Variants in GSN observed in about 807,000 individuals in gnomAD.
GSN encodes the protein gelsolin, also known as actin-depolymerizing factor.
Under a neutral mutation model 85.7 loss-of-function variants are expected in GSN, and 56 were observed. That is an observed-to-expected ratio of 0.65 (90% CI 0.53 to 0.82). GSN has a LOEUF of 0.82. Ranked by LOEUF, GSN falls within the 40% of genes least tolerant of loss-of-function variation. The pLI is 0.00. For missense variants in GSN, 857 were observed against 979.8 expected (o/e 0.87, Z 1.67); for synonymous variants, 373 against 399.1 (o/e 0.93, Z 0.78).
intron 4 of GSN, among the ~76,000 whole-genome samples, chr9:121,308,168 G>A (rs1411135513): frequency 1.3e-5 from 2 of 152,236 alleles, no homozygotes; most frequent in East Asian, 3.8e-4. Context: ...AAGGGGCCCT[G>A]GAAGCAGGGT....
Position 121,261,889 on chromosome 9 carries a change from C to G in GSN, c.-340-3265C>G, listed in dbSNP as rs1000091937. On this transcript the variant is annotated intron_variant, in intron 6 of 24. Coordinates refer to the GSN transcript ENST00000373823. This position sits in a 1 kb window ranked among gnomAD's most constrained non-coding sequence, Gnocchi z 4.1. ...TTATCATCAGAGGAAGAAACCAAGGCTCAGAGAGGTTGAGTAACTCAGGGT... is the reference window on the plus strand; with the variant it reads ...TTATCATCAGAGGAAGAAACCAAGGGTCAGAGAGGTTGAGTAACTCAGGGT... 6.6e-6 allele frequency among the ~76,000 whole-genome samples: 1 copy of G among 152,206 alleles called. No homozygotes were observed. Among genetic ancestry groups the G allele is most frequent in the Non-Finnish European group, 1.5e-5 (1 of 68,034 alleles).
intron 5 of GSN, among the ~76,000 whole-genome samples, chr9:121,243,241 A>C (rs2054638520): frequency 6.6e-6 from 1 of 152,158 alleles, no homozygotes; most frequent in Admixed American, 6.5e-5. Context: ...GCCACGTAGC[A>C]TCTTCGGATC....
chr9:121,312,572 T>G, intron 6 of GSN, 84 bp downstream of exon 6: 1 of 1,072,278 alleles, frequency 9.3e-7, no homozygotes. Context: ...TTGAGGTGAA[T>G]TTGAGGAAAA....
intron 4 of GSN, among the ~76,000 whole-genome samples, chr9:121,303,476 G>A (rs765091020): frequency 1.3e-5 from 2 of 152,168 alleles, no homozygotes; most frequent in African/African-American, 4.8e-5. Context: ...ATTTAATAGG[G>A]CATTGTTAGT....
At chr9:121,228,175 T>C (rs1264311768) in intron 4 of GSN, among the ~76,000 whole-genome samples, 2 of 152,086 alleles carry the variant, frequency 1.3e-5, no homozygotes, top group South Asian at 2.1e-4. Context: ...ACCTCCATTA[T>C]CTTAGGAAGC....
At chr9:121,229,740 A>T (rs1039264309) in intron 4 of GSN, among the ~76,000 whole-genome samples, 1 of 152,194 alleles carries the variant, frequency 6.6e-6, no homozygotes, top group African/African-American at 2.4e-5. Context: ...TCTTCATTGT[A>T]AAGTTACCTA....
chr9:121,328,585 G>C (rs1328621667), intron 14 of GSN, among the ~76,000 whole-genome samples: 1 of 152,098 alleles, frequency 6.6e-6, no homozygotes, highest in Admixed American at 6.5e-5. Flanking sequence ...TAACCTCTCC[G>C]AGCCACAACT....
intron 2 of GSN, among the ~76,000 whole-genome samples, chr9:121,292,256 G>T (rs540149801): frequency 2.0e-5 from 3 of 152,302 alleles, no homozygotes; most frequent in African/African-American, 7.2e-5. Context: ...AGGGGAGGGG[G>T]TGTCATTAGG....
intron 5 of GSN, among the ~76,000 whole-genome samples, chr9:121,243,590 G>A (rs1279996939): frequency 6.6e-6 from 1 of 152,168 alleles, no homozygotes; most frequent in Non-Finnish European, 1.5e-5. Flanking sequence ...TTTTTGAGGG[G>A]GGTGGGAGCA....
At chr9:121,311,076 T>G in intron 5 of GSN, 1 of 576,034 alleles carries the variant, frequency 1.7e-6, no homozygotes, top group Non-Finnish European at 3.1e-6. Flanking sequence ...CCTGGCACCT[T>G]CTGTTCATAT....
upstream of GSN, among the ~76,000 whole-genome samples, chr9:121,203,912 A>G (rs1270724911): frequency 6.6e-6 from 1 of 152,242 alleles, no homozygotes; most frequent in Non-Finnish European, 1.5e-5. Flanking sequence ...CTAGAGGTCT[A>G]GGCTTCTATT....
At chr9:121,300,224 G>C in intron 2 of GSN, 1 of 817,672 alleles carries the variant, frequency 1.2e-6, no homozygotes, top group Non-Finnish European at 2.2e-6. Context: ...ACCTCACCTT[G>C]GCCGGATTTC....
intron 6 of GSN, chr9:121,313,689 G>C: frequency 3.5e-6 from 2 of 576,636 alleles, no homozygotes; most frequent in East Asian, 2.9e-5. Context: ...CTGAAGCGCT[G>C]TCTGGAGGCA....
rs546381518 is a variant in GSN at position 121,299,432 on chromosome 9, C to T, written c.-9-2531C>T. 1 of 983,830 alleles carries T rather than the reference C, an allele frequency of 1.0e-6. No homozygotes were observed. Among genetic ancestry groups the T allele is most frequent in the Non-Finnish European group, 1.2e-6 (1 of 828,484 alleles). The allele number at this position is 983,830 out of a possible 1,614,324, so 60.9% of individuals were successfully genotyped here. A position where few individuals can be genotyped will look rare whatever the true frequency, so the allele number is the denominator to read the frequency against. On this transcript the variant is annotated intron_variant, in intron 2 of 17. Transcript: ENST00000432226. The surrounding 1 kb of genome is among the most constrained non-coding windows in gnomAD (Gnocchi z 4.2). ...TCCCCCCTCTGTAAAATGGGTTGGC[C>T]GTTGTACCCTCTCTGAAAAGGATGT...
intron 2 of GSN, chr9:121,284,865 G>A (rs1303002243): frequency 6.0e-6 from 1 of 167,276 alleles, no homozygotes; most frequent in African/African-American, 2.4e-5. Flanking sequence ...TGGTTGGAGA[G>A]AATGAGTACC....
At chr9:121,297,272 C>T (rs187120444) in intron 2 of GSN, among the ~76,000 whole-genome samples, 4 of 152,208 alleles carry the variant, frequency 2.6e-5, no homozygotes, top group African/African-American at 9.6e-5. Flanking sequence ...ACAATTTTTT[C>T]GGCTAGTATA....
chr9:121,256,065 G>A (rs994511689), intron 6 of GSN, among the ~76,000 whole-genome samples: 2 of 150,608 alleles, frequency 1.3e-5, no homozygotes, highest in Non-Finnish European at 3.0e-5. Flanking sequence ...GTGGGGCTGG[G>A]GGAGATCTAC....
chr9:121,310,085 GAA>G (rs1459128057), intron 4 of GSN: 4 of 152,790 alleles, frequency 2.6e-5, no homozygotes, highest in South Asian at 2.1e-4. Flanking sequence ...AAAGAAAAAA[GAA>G]AGAGGGAAAG....
At chr9:121,310,492 T>C in intron 4 of GSN, 192 bp from the exon 5 acceptor site, 1 of 649,710 alleles carries the variant, frequency 1.5e-6, no homozygotes, top group South Asian at 1.7e-5. Context: ...TAAACCTCAG[T>C]TTCCTACTCT....
Sources: gnomAD v4.1 joint callset for allele counts (sites outside exome capture counted in the v4.1 genomes callset) on GRCh38, gnomAD v4.1.1 for gene constraint, Gnocchi (gnomAD v3.1) non-coding constraint, MANE v1.5 for transcripts, NCBI Gene and HGNC (gene_info 2026-07-23, HGNC 2026-07-21) for gene names.